PCDHA1: variants seen among roughly 807,000 people sequenced by gnomAD.
PCDHA1 encodes protocadherin alpha 1, also known as protocadherin alpha-1.
In PCDHA1, 42 loss-of-function variants were observed where a neutral mutation model predicts 61.3. That is an observed-to-expected ratio of 0.69 (90% CI 0.54 to 0.89). The LOEUF (loss-of-function observed/expected upper bound fraction) is 0.89, where lower values mean the gene tolerates loss of function less well. Among genes scored for constraint, PCDHA1 ranks in the 40% least tolerant of loss-of-function variants. PCDHA1 has a pLI of 0.00. For synonymous variants in PCDHA1, 610 were observed against 553.8 expected (o/e 1.10, Z -1.43); for missense variants, 1,256 against 1,235.3 (o/e 1.02, Z -0.25).
At chr5:140,865,729 G>A (rs1325219094) in intron 1 of PCDHA1, 2 of 152,136 alleles carry the variant, frequency 1.3e-5, no homozygotes, top group Non-Finnish European at 2.9e-5. Context: ...GCTGAGATGT[G>A]TATCTATTTT....
intron 1 of PCDHA1, chr5:140,807,581 G>C (rs138189439): frequency 2.1e-5 from 34 of 1,614,060 alleles, no homozygotes; most frequent in Non-Finnish European, 2.5e-6. Flanking sequence ...TAACCCGCCG[G>C]TGTTCCCAGC....
At chr5:140,942,667 CA>C (rs2153659637) in intron 1 of PCDHA1, among the ~76,000 whole-genome samples, 1 of 151,384 alleles carries the variant, frequency 6.6e-6, no homozygotes, top group South Asian at 2.1e-4. Flanking sequence ...GCAATAAGCA[CA>C]AAAGTTTTAG....
intron 1 of PCDHA1, among the ~76,000 whole-genome samples, chr5:140,791,156 T>G (rs1480003073): frequency 6.6e-6 from 1 of 152,220 alleles, no homozygotes; most frequent in Non-Finnish European, 1.5e-5. Flanking sequence ...GAGAAATAGT[T>G]TATATTGCTA....
chr5:140,870,975 G>A, intron 1 of PCDHA1: 1 of 1,613,610 alleles, frequency 6.2e-7, no homozygotes, highest in Non-Finnish European at 8.5e-7. Context: ...TCCGCGTGGG[G>A]CTGTACACGG....
rs565233003 is a variant in PCDHA1 at position 140,851,830 on chromosome 5, T to C, written c.2394+63146T>C. 1.2e-5 allele frequency: 12 copies of C among 967,780 alleles called. No homozygotes were observed. In the African/African-American group the frequency reaches 2.1e-4, roughly 17 times the overall value. The allele number at this position is 967,780 out of a possible 1,614,324, so 59.9% of individuals were successfully genotyped here. On this transcript the variant is annotated intron_variant, in intron 1 of 3. Coordinates refer to ENST00000504120, the MANE Select transcript of PCDHA1 (RefSeq NM_018900.4). ...TCCATAAGACAGAAATCTGTTTTTT[T>C]AAAAATATCTTTTTCTCCTCTCAGC...
At chr5:140,841,507 C>T in intron 1 of PCDHA1, 2 of 1,613,396 alleles carry the variant, frequency 1.2e-6, no homozygotes, top group South Asian at 1.1e-5. Flanking sequence ...TGGTGCCGCG[C>T]CTGTTCCGGG....
chr5:140,851,049 T>G (rs114642351), intron 1 of PCDHA1: 1 of 1,386,514 alleles, frequency 7.2e-7, no homozygotes, highest in African/African-American at 1.5e-5. Flanking sequence ...GAGCCGACTT[T>G]GTCTTGACTT....
intron 1 of PCDHA1, chr5:140,927,071 GCCA>G (rs2083808355): frequency 4.3e-6 from 7 of 1,610,970 alleles, no homozygotes; most frequent in Non-Finnish European, 5.9e-6. Flanking sequence ...TTCCTTTCCA[GCCA>G]CCGCGAGCTC....
chr5:140,822,739 A>G (rs1165429866), intron 1 of PCDHA1: 8 of 1,613,518 alleles, frequency 5.0e-6, no homozygotes, highest in African/African-American at 1.3e-5. Flanking sequence ...TATTGATGCC[A>G]TGGATAAAAG....
At chr5:140,981,601 T>C (rs2096939953) in intron 2 of PCDHA1, among the ~76,000 whole-genome samples, 1 of 152,086 alleles carries the variant, frequency 6.6e-6, no homozygotes, top group Non-Finnish European at 1.5e-5. Flanking sequence ...AACAAAATGT[T>C]CCTCTAATTT....
chr5:140,887,670 C>A (rs368430565), intron 1 of PCDHA1, among the ~76,000 whole-genome samples: 2 of 151,988 alleles, frequency 1.3e-5, no homozygotes, highest in Non-Finnish European at 2.9e-5. Flanking sequence ...GTGGATTTAT[C>A]ATTTTCATCA....
intron 1 of PCDHA1, chr5:140,823,821 G>C: frequency 1.2e-6 from 2 of 1,613,800 alleles, no homozygotes; most frequent in Non-Finnish European, 8.5e-7. Context: ...CGCGGGCGTC[G>C]GCGGGCGCTG....
intron 1 of PCDHA1, chr5:140,803,280 G>A: frequency 1.2e-6 from 2 of 1,614,062 alleles, no homozygotes; most frequent in South Asian, 2.2e-5. Flanking sequence ...TGCACTGGTG[G>A]ATGTCAACGT....
At chr5:140,822,322 A>G (rs886575240) in intron 1 of PCDHA1, 2 of 1,614,208 alleles carry the variant, frequency 1.2e-6, no homozygotes, top group Admixed American at 1.7e-5. Flanking sequence ...AGATGTTAAA[A>G]CAAATGAAGA....
chr5:140,923,183 C>G (rs2081208346), intron 1 of PCDHA1, among the ~76,000 whole-genome samples: 2 of 152,206 alleles, frequency 1.3e-5, no homozygotes, highest in South Asian at 4.1e-4. Context: ...TCAGATGCAT[C>G]TACTGCAGCA....
At chr5:140,841,684 G>C in intron 1 of PCDHA1, 1 of 1,613,954 alleles carries the variant, frequency 6.2e-7, no homozygotes, top group South Asian at 1.1e-5. Context: ...ATGTGGACGT[G>C]GAGGTGAAGG....
At chr5:140,791,772 T>G (rs1298022133) in intron 1 of PCDHA1, among the ~76,000 whole-genome samples, 2 of 152,208 alleles carry the variant, frequency 1.3e-5, no homozygotes, top group African/African-American at 4.8e-5. Flanking sequence ...TAAAATGTCA[T>G]AGATATTCCT....
chr5:140,857,831 G>A (rs1554150713), intron 1 of PCDHA1: 1 of 1,597,806 alleles, frequency 6.3e-7, no homozygotes, highest in Non-Finnish European at 8.6e-7. Flanking sequence ...TAAGGTGCGC[G>A]CAGTGGACGC....
At chr5:140,830,591 CA>C (rs1263490069) in intron 1 of PCDHA1, 1 of 718,270 alleles carries the variant, frequency 1.4e-6, no homozygotes, top group Non-Finnish European at 2.0e-6. Flanking sequence ...ATTAATTTTA[CA>C]AAATTACATA....
Sources: allele counts gnomAD v4.1 joint callset (sites outside exome capture counted in the v4.1 genomes callset), GRCh38; gene constraint gnomAD v4.1.1; transcripts MANE v1.5; gene names NCBI Gene and HGNC (gene_info 2026-07-23, HGNC 2026-07-21).